The following STX8 variants were observed in gnomAD, a reference collection of about 807,000 sequenced individuals.
STX8 encodes syntaxin 8, also known as syntaxin-8.
In STX8, 23 loss-of-function variants were observed where a neutral mutation model predicts 37.5. That is an observed-to-expected ratio of 0.61 (90% CI 0.44 to 0.87). STX8 has a LOEUF of 0.87. Ranked by LOEUF, STX8 falls within the 40% of genes least tolerant of loss-of-function variation. The probability of loss-of-function intolerance (pLI) is 0.00; values close to 1 mark genes in which losing one functional copy is unlikely to be tolerated. For synonymous variants in STX8, 115 were observed against 99.1 expected, an observed-to-expected ratio of 1.16 and a Z score of -0.95; for missense variants, 313 against 284.7, an observed-to-expected ratio of 1.10 and a Z score of -0.71.
intron 7 of STX8, among the ~76,000 whole-genome samples, chr17:9,373,041 T>C (rs1454179026): frequency 6.7e-6 from 1 of 148,728 alleles, no homozygotes; most frequent in Non-Finnish European, 1.5e-5. Context: ...GAGACGGAGG[T>C]TGCAGTGAGC....
chr17:9,286,121 T>C (rs1403166575), intron 7 of STX8, among the ~76,000 whole-genome samples: 1 of 152,162 alleles, frequency 6.6e-6, no homozygotes, highest in Non-Finnish European at 1.5e-5. Flanking sequence ...CTACGTTTGA[T>C]CCAAATGGTT....
intron 6 of STX8, among the ~76,000 whole-genome samples, chr17:9,479,566 T>C (rs1418482022): frequency 6.7e-6 from 1 of 148,436 alleles, no homozygotes; most frequent in Non-Finnish European, 1.5e-5. Flanking sequence ...TATATAAATA[T>C]ATATTAAGTA....
intron 7 of STX8, among the ~76,000 whole-genome samples, chr17:9,332,800 A>C (rs1910005778): frequency 6.6e-6 from 1 of 152,120 alleles, no homozygotes; most frequent in Admixed American, 6.5e-5. Context: ...CCCCAACTGC[A>C]ATATAAGCTC....
chr17:9,547,660 A>G, intron 3 of STX8, among the ~76,000 whole-genome samples: 1 of 151,470 alleles, frequency 6.6e-6, no homozygotes, highest in African/African-American at 2.4e-5. Flanking sequence ...AAGAAAAGAA[A>G]AGAAATACAC....
intron 6 of STX8, among the ~76,000 whole-genome samples, chr17:9,390,248 G>A (rs1202973939): frequency 3.3e-5 from 5 of 152,156 alleles, no homozygotes; most frequent in Admixed American, 2.6e-4. Context: ...GAGTCTGGAC[G>A]CAGTGGCTCA....
Position 9,509,536 on chromosome 17 carries a change from G to A in STX8, c.324-4374C>T, listed in dbSNP as rs527339799. The stretch of plus-strand genomic sequence containing the variant: ...CCACTAGACCAGTCTTACAAGAAGT[G>A]CTCAAGGGAGTATTACATCTGGAAG... On this transcript the variant is annotated intron_variant, in intron 4 of 7. Coordinates refer to ENST00000306357, the MANE Select transcript of STX8 (RefSeq NM_004853.3). 5.9e-5 allele frequency among the ~76,000 whole-genome samples: 9 copies of A among 152,254 alleles called. No homozygotes were observed. The East Asian group carries it at 1.7e-3, about 29-fold the overall frequency.
intron 7 of STX8, among the ~76,000 whole-genome samples, chr17:9,257,569 G>C (rs1288464562): frequency 6.6e-6 from 1 of 152,170 alleles, no homozygotes; most frequent in Non-Finnish European, 1.5e-5. Flanking sequence ...GTGGCAAGTA[G>C]GCTGATGGGA....
At chr17:9,299,619 A>G (rs1471154518) in intron 7 of STX8, among the ~76,000 whole-genome samples, 1 of 151,670 alleles carries the variant, frequency 6.6e-6, no homozygotes, top group Non-Finnish European at 1.5e-5. Flanking sequence ...AATTTTTTGT[A>G]TTTTTAGTAG....
chr17:9,568,951 G>T (rs980276576), intron 1 of STX8, among the ~76,000 whole-genome samples: 1 of 152,230 alleles, frequency 6.6e-6, no homozygotes, highest in African/African-American at 2.4e-5. Flanking sequence ...TATTTTGAAG[G>T]CTTCGTTAGT....
chr17:9,353,668 C>A (rs981980721), intron 7 of STX8, among the ~76,000 whole-genome samples: 3 of 152,186 alleles, frequency 2.0e-5, no homozygotes, highest in Non-Finnish European at 4.4e-5. Flanking sequence ...AACAATAAAT[C>A]TACTTAGTAG....
chr17:9,356,760 G>A (rs1910891690), intron 7 of STX8, among the ~76,000 whole-genome samples: 1 of 152,124 alleles, frequency 6.6e-6, no homozygotes, highest in Non-Finnish European at 1.5e-5. Flanking sequence ...AGCAAGGCAG[G>A]CCTGCTTCTG....
At chr17:9,271,618 C>CACG (rs1907465311) in intron 7 of STX8, among the ~76,000 whole-genome samples, 1 of 152,054 alleles carries the variant, frequency 6.6e-6, no homozygotes, top group Non-Finnish European at 1.5e-5. Flanking sequence ...GGCGTGGTAG[C>CACG]ACGCACCTGT....
At chr17:9,477,667 G>A (rs925174087) in intron 6 of STX8, among the ~76,000 whole-genome samples, 2 of 152,180 alleles carry the variant, frequency 1.3e-5, no homozygotes, top group Non-Finnish European at 1.5e-5. Context: ...AGAAATAAAA[G>A]GGGGCTTCGG....
At chr17:9,297,261 A>T (rs1166043185) in intron 7 of STX8, among the ~76,000 whole-genome samples, 4 of 151,958 alleles carry the variant, frequency 2.6e-5, no homozygotes, top group Non-Finnish European at 5.9e-5. Flanking sequence ...AAAAAAAGAA[A>T]AAAAAAGAAA....
chr17:9,323,369 AAG>A (rs1909641731), intron 7 of STX8, among the ~76,000 whole-genome samples: 1 of 152,222 alleles, frequency 6.6e-6, no homozygotes, highest in Non-Finnish European at 1.5e-5. Context: ...TAACTTTTTA[AAG>A]AGAGCTATAT....
intron 7 of STX8, among the ~76,000 whole-genome samples, chr17:9,307,339 T>C (rs1045226109): frequency 6.6e-6 from 1 of 152,166 alleles, no homozygotes; most frequent in Admixed American, 6.5e-5. Context: ...ACCTTTTCTA[T>C]GTCCTGCTTG....
At chr17:9,253,996 C>A (rs1420465124) in intron 7 of STX8, among the ~76,000 whole-genome samples, 1 of 152,188 alleles carries the variant, frequency 6.6e-6, no homozygotes, top group East Asian at 1.9e-4. Flanking sequence ...CAGTGAGGGA[C>A]TGCTTTCCCC....
intron 7 of STX8, among the ~76,000 whole-genome samples, chr17:9,313,990 A>C (rs1002219339): frequency 3.3e-5 from 5 of 152,098 alleles, no homozygotes; most frequent in African/African-American, 4.8e-5. Flanking sequence ...TTAAGTTCTC[A>C]TAAGAGTTTA....
chr17:9,368,922 C>CTTT (rs71830909), intron 7 of STX8, among the ~76,000 whole-genome samples: 1,790 of 145,374 alleles, frequency 0.012, 35 homozygotes, highest in African/African-American at 0.041. Context: ...ACCTTTTACC[C>CTTT]TTTTTTTTTT....
Sources: allele counts gnomAD v4.1 joint callset (sites outside exome capture counted in the v4.1 genomes callset), GRCh38; gene constraint gnomAD v4.1.1; transcripts MANE v1.5; gene names NCBI Gene and HGNC (gene_info 2026-07-23, HGNC 2026-07-21).